Variants in NOTCH3 observed in about 807,000 individuals in gnomAD.
NOTCH3 encodes neurogenic locus notch homolog protein 3.
A neutral mutation model predicts 213.3 loss-of-function variants in NOTCH3; 86 were observed. The observed-to-expected ratio is 0.40, with a 90% CI of 0.34 to 0.48. NOTCH3 has a LOEUF of 0.48. Among genes scored for constraint, NOTCH3 ranks in the 20% least tolerant of loss-of-function variants. NOTCH3 has a pLI of 0.57. For synonymous variants in NOTCH3, 1,354 were observed against 1,355.9 expected (o/e 1.00, Z 0.03); for missense variants, 2,783 against 3,272.6 (o/e 0.85, Z 3.65).
At chr19:15,181,250 G>T in intron 17 of NOTCH3, 88 bp from the exon 18 acceptor site, 1 of 1,210,912 alleles carries the variant, frequency 8.3e-7, no homozygotes, top group African/African-American at 1.5e-5. Flanking sequence ...TAGCGCTGGG[G>T]ACGTCCCACT....
At chr19:15,173,044 T>TCCCCCTCC (rs1160425649) in intron 25 of NOTCH3, among the ~76,000 whole-genome samples, 1 of 2,646 alleles carries the variant, frequency 3.8e-4, no homozygotes, top group African/African-American at 2.7e-3. Context: ...CCCCTCCCCC[T>TCCCCCTCC]CCCTCCTCCC....
At chr19:15,194,873 C>T (rs557431468) in intron 2 of NOTCH3, among the ~76,000 whole-genome samples, 1 of 151,168 alleles carries the variant, frequency 6.6e-6, no homozygotes, top group Non-Finnish European at 1.5e-5. Flanking sequence ...AGGAAAATCG[C>T]TTGAACCCAG....
intron 28 of NOTCH3, among the ~76,000 whole-genome samples, chr19:15,167,678 G>A (rs2046697540): frequency 6.6e-6 from 1 of 152,044 alleles, no homozygotes. Context: ...CTCAGCCTCT[G>A]GAGTAGCTGG....
chr19:15,186,801 G>A (rs532039738), intron 12 of NOTCH3, 77 bp downstream of exon 12: 20 of 1,172,638 alleles, frequency 1.7e-5, no homozygotes, highest in African/African-American at 7.5e-5. Flanking sequence ...GCAAAGATAC[G>A]GGCAAAACAG....
chr19:15,162,381 G>T, intron 32 of NOTCH3, 84 bp downstream of exon 32: 1 of 925,106 alleles, frequency 1.1e-6, no homozygotes, highest in Non-Finnish European at 1.8e-6. Context: ...TGTTTTTTGA[G>T]AGAGTCTCAC....
At position 15,181,440 on chromosome 19, in the gene NOTCH3, C is replaced by G. The variant is rs143487076; in HGVS notation, c.2792+136G>C. ...ACGCCCTGCTCCTTCCCTGGCCCTG[C>G]CCCATCAGTCATCAGAGTCCGCAGT... On this transcript the variant is annotated intron_variant, in intron 17 of 32. Transcript: ENST00000263388. 87 of 753,596 alleles carry G rather than the reference C, an allele frequency of 1.2e-4. No individual in the cohort carries two copies. In the African/African-American group the frequency reaches 1.5e-3, roughly 13 times the overall value. 46.7% of individuals were successfully genotyped at this position (753,596 alleles called of 1,614,324 possible).
chr19:15,187,759 C>CTGTCACTGGGTCCTGCCT (rs2145434044), intron 10 of NOTCH3, 122 bp downstream of exon 10: 1 of 792,774 alleles, frequency 1.3e-6, no homozygotes, highest in Non-Finnish European at 2.2e-6. Flanking sequence ...CCCCCCAACT[C>CTGTCACTGGGTCCTGCCT]TGTCACTGGG....
At chr19:15,162,786 TGTGTGTGC>T (rs1358213920) in intron 31 of NOTCH3, among the ~76,000 whole-genome samples, 5,400 of 144,144 alleles carry the variant, frequency 0.037, 120 homozygotes, top group South Asian at 0.055. Context: ...TGTGTGTGTG[TGTGTGTGC>T]GTGCATGTGC....
chr19:15,191,898 G>C (rs200168807), intron 4 of NOTCH3, 31 bp from the exon 5 acceptor site: 17 of 1,613,670 alleles, frequency 1.1e-5, no homozygotes, highest in Admixed American at 1.7e-5. Flanking sequence ...GATGGTCACC[G>C]CCGGGCTGGC....
At position 15,178,875 on chromosome 19, in the gene NOTCH3, C is replaced by A. The variant is rs143684274; in HGVS notation, c.3785G>T (p.Arg1262Leu). 128 of 1,609,956 alleles carry A rather than the reference C, an allele frequency of 8.0e-5. No individual in the cohort carries two copies. Among genetic ancestry groups the A allele is most frequent in the Non-Finnish European group, 1.1e-4 (124 of 1,178,328 alleles). ...CCCACCCCCAGGACCCGGGCTAGGA[C>A]GGCACTGGCCTCCATGCTGGCATGG... ...SQPCQHGGQC[R>L]PSPGPGGGLT... Residue 1262 changes from arginine to leucine, a missense_variant, in exon 23 of 33, where the codon CGT becomes CTT. Physicochemically the swap from Arg to Leu is moderately radical, Grantham distance 102. This residue lies in a region of NOTCH3 where 861 missense variants were observed against 909.1 expected (regional missense o/e 0.95). Transcript: ENST00000263388.
chr19:15,191,738 T>G lies in NOTCH3; in HGVS notation c.802+7A>C. On this transcript the variant is annotated splice_region_variant and intron_variant, in intron 5 of 32. Coordinates refer to ENST00000263388, the MANE Select transcript of NOTCH3 (RefSeq NM_000435.3). ...GCCTCCCCGCTCCCTCTGGCCGCAG[T>G]GCCCACCTGTCCACTCAGGAGGGCA... The G allele has an allele frequency of 6.2e-7, 1 of 1,613,752 alleles. No individual in the cohort carries two copies. The highest frequency in any genetic ancestry group is 8.5e-7 in the Non-Finnish European group (1 of 1,180,014).
intron 2 of NOTCH3, among the ~76,000 whole-genome samples, chr19:15,195,493 G>C (rs1486653246): frequency 7.0e-6 from 1 of 142,134 alleles, no homozygotes; most frequent in African/African-American, 2.7e-5. Flanking sequence ...CCCCTGGCGC[G>C]GTTGTCCTCC....
chr19:15,170,869 C>T (rs199899229), intron 25 of NOTCH3, 44 bp from the exon 26 acceptor site: 15 of 1,603,310 alleles, frequency 9.4e-6, no homozygotes, highest in East Asian at 2.2e-5. Context: ...AAAAATTGCC[C>T]GATGCACCCC....
intron 25 of NOTCH3, among the ~76,000 whole-genome samples, chr19:15,173,069 T>C (rs187841375): frequency 0.15 from 2,045 of 13,254 alleles, 633 homozygotes; most frequent in East Asian, 0.47. Flanking sequence ...CTTCTTCTTC[T>C]TCTTCTTCTT....
intron 10 of NOTCH3, 89 bp from the exon 11 acceptor site, chr19:15,187,427 T>G (rs560542002): frequency 8.5e-7 from 1 of 1,170,376 alleles, no homozygotes; most frequent in East Asian, 2.4e-5. Context: ...CAGCTCTATC[T>G]GAGGCCCTGC....
intron 23 of NOTCH3, chr19:15,178,519 G>A (rs1198753581): frequency 6.3e-6 from 3 of 474,500 alleles, no homozygotes; most frequent in African/African-American, 2.0e-5. Flanking sequence ...CGAGTAGCTG[G>A]GATTACAGGC....
rs764101400 is a variant in NOTCH3 at position 15,200,780 on chromosome 19, C to T, written c.118+8G>A. The T allele has an allele frequency of 1.5e-6, 2 of 1,292,442 alleles. No homozygotes were observed. Among genetic ancestry groups the T allele is most frequent in the Admixed American group, 2.9e-5 (1 of 34,374 alleles). The allele number at this position is 1,292,442 out of a possible 1,614,324, so 80.1% of individuals were successfully genotyped here. On this transcript the variant is annotated splice_region_variant and intron_variant, in intron 1 of 32. Transcript: ENST00000263388. ...CCTCGTCCCATCCGCCAGGTCCCGG[C>T]CCCTCACCTGCAGCCCCCGGCCCCG...
intron 1 of NOTCH3, among the ~76,000 whole-genome samples, 161 bp from the exon 2 acceptor site, chr19:15,197,739 C>CA (rs2046981111): frequency 3.9e-5 from 3 of 76,954 alleles, no homozygotes; most frequent in South Asian, 5.8e-4. Context: ...CCCACGCCCC[C>CA]CCCCCCCCCG....
intron 4 of NOTCH3, 23 bp from the exon 5 acceptor site, chr19:15,191,890 T>C (rs201581576): frequency 1.9e-6 from 3 of 1,613,876 alleles, no homozygotes; most frequent in Non-Finnish European, 1.7e-6. Flanking sequence ...GGGGCAAGGA[T>C]GGTCACCGCC....
Sources: allele counts gnomAD v4.1 joint callset (sites outside exome capture counted in the v4.1 genomes callset), GRCh38; gene constraint gnomAD v4.1.1; regional missense constraint gnomAD v4.1.1; transcripts MANE v1.5; gene names NCBI Gene and HGNC (gene_info 2026-07-23, HGNC 2026-07-21).